Variants in CDH9 observed in about 807,000 individuals in gnomAD.
CDH9 encodes cadherin-9.
Under a neutral mutation model 70.9 loss-of-function variants are expected in CDH9, and 28 were observed. The ratio of observed to expected loss-of-function variants is 0.40; its 90% confidence interval spans 0.29 to 0.54. The LOEUF is 0.54. Ranked by LOEUF, CDH9 falls within the 20% of genes least tolerant of loss-of-function variation. The pLI is 0.59. For missense variants in CDH9, 874 were observed against 984.4 expected (o/e 0.89, Z 1.50); for synonymous variants, 409 against 343.1 (o/e 1.19, Z -2.12).
At chr5:26,978,600 A>G (rs985358615) in intron 2 of CDH9, among the ~76,000 whole-genome samples, 1 of 151,714 alleles carries the variant, frequency 6.6e-6, no homozygotes, top group African/African-American at 2.4e-5. Flanking sequence ...TTAAATGCTC[A>G]TTTAATTTTA....
chr5:26,978,678 A>G lies in CDH9; in HGVS notation c.228+9428T>C, dbSNP rs1742345380. 2.6e-5 allele frequency among the ~76,000 whole-genome samples: 4 copies of G among 151,842 alleles called. No homozygotes were observed. In the South Asian group the frequency reaches 8.3e-4, roughly 31 times the overall value. ...ATTTCAAACAGAATTAAAAAGAAAA[A>G]AAAACAGAGTTAGGTATCAAATTAA... On this transcript the variant is annotated intron_variant, in intron 2 of 11. Coordinates refer to ENST00000231021, the MANE Select transcript of CDH9 (RefSeq NM_016279.4).
intron 7 of CDH9, among the ~76,000 whole-genome samples, chr5:26,894,352 G>A (rs1484347752): frequency 1.3e-5 from 2 of 152,086 alleles, no homozygotes; most frequent in African/African-American, 4.8e-5. Context: ...ATTGCAACAT[G>A]ATAAAAATCA....
At chr5:26,985,703 C>T (rs771715060) in intron 2 of CDH9, among the ~76,000 whole-genome samples, 1 of 152,028 alleles carries the variant, frequency 6.6e-6, no homozygotes, top group Non-Finnish European at 1.5e-5. Flanking sequence ...TTTCCCAATC[C>T]TGGTCCGTGG....
chr5:27,029,402 A>G (rs1743273965), intron 1 of CDH9, among the ~76,000 whole-genome samples: 1 of 152,026 alleles, frequency 6.6e-6, no homozygotes, highest in South Asian at 2.1e-4. Context: ...GAATGAATTT[A>G]ATGCTATTAA....
At chr5:26,933,090 CTATTTATATTATACAAATATAATTT>C in intron 2 of CDH9, among the ~76,000 whole-genome samples, 1 of 145,686 alleles carries the variant, frequency 6.9e-6, no homozygotes, top group Non-Finnish European at 1.5e-5. Context: ...AAATATAATT[CTATTTATATTATACAAATATAATTT>C]TAAAAATATA....
Position 26,880,852 on chromosome 5 carries a change from C to CA in CDH9, c.*283dup. On this transcript the variant is annotated 3_prime_UTR_variant, in exon 12 of 12. Transcript: ENST00000231021. ...AAATTATTATACCTAAGAAAAGGCA[C>CA]AAAAAGCCTTTTACTTATTTTTATT... is the stretch of plus-strand genomic sequence containing the variant. The CA allele has an allele frequency of 4.3e-6, 1 of 234,698 alleles. No individual in the cohort carries two copies. The highest frequency in any genetic ancestry group is 5.5e-5 in the Admixed American group (1 of 18,328). 14.5% of individuals were successfully genotyped at this position (234,698 alleles called of 1,614,324 possible).
Position 26,881,460 on chromosome 5 carries a change from T to G in CDH9, c.2046A>C (p.Ala682=). The G allele has an allele frequency of 6.2e-7, 1 of 1,613,792 alleles. No homozygotes were observed. The highest frequency in any genetic ancestry group is 8.5e-7 in the Non-Finnish European group (1 of 1,179,774). ...FDIGTLRNPE[A]REDSKLRRDV... ...CCCGTCTAAGTTTACTGTCTTCTCT[T>G]GCCTCTGGATTCCTTAATGTGCCAA... Residue 682 remains alanine, a synonymous_variant, in exon 12 of 12, where the codon GCA becomes GCC. Coordinates refer to ENST00000231021, the MANE Select transcript of CDH9 (RefSeq NM_016279.4).
At chr5:27,032,867 G>A (rs1020747275) in intron 1 of CDH9, among the ~76,000 whole-genome samples, 1 of 151,020 alleles carries the variant, frequency 6.6e-6, no homozygotes, top group African/African-American at 2.4e-5. Flanking sequence ...TAATATATTT[G>A]CTTTGTATTA....
intron 1 of CDH9, among the ~76,000 whole-genome samples, chr5:27,017,823 G>A (rs928723571): frequency 2.6e-5 from 4 of 151,810 alleles, no homozygotes; most frequent in Non-Finnish European, 5.9e-5. Context: ...AGCATTCTTT[G>A]ATCTATCTCC....
intron 7 of CDH9, among the ~76,000 whole-genome samples, chr5:26,900,508 C>A (rs1445238007): frequency 6.6e-6 from 1 of 151,918 alleles, no homozygotes; most frequent in East Asian, 1.9e-4. Context: ...GCAAGGTGCC[C>A]AGCATTTACT....
chr5:26,942,349 A>C (rs578100762), intron 2 of CDH9, among the ~76,000 whole-genome samples: 3 of 152,242 alleles, frequency 2.0e-5, no homozygotes, highest in African/African-American at 7.2e-5. Context: ...ATTCAAGATG[A>C]GATTTGGGTG....
At chr5:26,999,542 A>G (rs985983005) in intron 1 of CDH9, among the ~76,000 whole-genome samples, 5 of 152,216 alleles carry the variant, frequency 3.3e-5, no homozygotes, top group African/African-American at 1.2e-4. Flanking sequence ...CGATAGGGTC[A>G]TTAAATAGAA....
At chr5:26,994,512 T>G (rs971766961) in intron 1 of CDH9, among the ~76,000 whole-genome samples, 1 of 151,528 alleles carries the variant, frequency 6.6e-6, no homozygotes, top group East Asian at 1.9e-4. Context: ...CTTTTTTTCC[T>G]GTTTTTTTTG....
In CDH9 at chr5:26,915,672, T is replaced by G; in HGVS notation, c.481A>C (p.Lys161Gln). 6.2e-7 allele frequency: 1 copy of G among 1,608,402 alleles called. No homozygotes were observed. Among genetic ancestry groups the G allele is most frequent in the Non-Finnish European group, 8.5e-7 (1 of 1,174,866 alleles). Residue 161 changes from lysine (K) to glutamine (Q), a missense_variant, in exon 3 of 12, where the codon AAA becomes CAA. Lys to Gln is a moderately conservative substitution (Grantham distance 53, BLOSUM62 1). Coordinates refer to ENST00000231021, the MANE Select transcript of CDH9 (RefSeq NM_016279.4). Reference sequence around the variant, plus strand: ...GGAACACTGGCAGTGTATAAGTCTTTTGTAAATTTTGGCTCATTGTCATTG... The same window carrying G: ...GGAACACTGGCAGTGTATAAGTCTTGTGTAAATTTTGGCTCATTGTCATTG... ...DINDNEPKFT[K>Q]DLYTASVPEM...
In CDH9 at chr5:27,023,916, G is replaced by A. The variant is rs1027664969; in HGVS notation, c.-50+14547C>T. Among the ~76,000 whole-genome samples the A allele has an allele frequency of 9.2e-5, 14 of 151,948 alleles. No individual in the cohort carries two copies. The South Asian group carries it at 1.7e-3, about 18-fold the overall frequency. On this transcript the variant is annotated intron_variant, in intron 1 of 11. Transcript: ENST00000231021. Reference sequence around the variant, plus strand: ...AAAATACAACACTTAGCTGGGCATGGTGGTGGGCACCTGCAATTGCATCTA... The same window carrying A: ...AAAATACAACACTTAGCTGGGCATGATGGTGGGCACCTGCAATTGCATCTA...
At chr5:27,027,644 C>G (rs1264140319) in intron 1 of CDH9, among the ~76,000 whole-genome samples, 1 of 152,038 alleles carries the variant, frequency 6.6e-6, no homozygotes, top group Non-Finnish European at 1.5e-5. Flanking sequence ...CTCCAGGACT[C>G]TACCTGTCCT....
chr5:26,953,793 C>T (rs547109299), intron 2 of CDH9, among the ~76,000 whole-genome samples: 2 of 152,228 alleles, frequency 1.3e-5, no homozygotes, highest in African/African-American at 4.8e-5. Context: ...ATTTCAATGG[C>T]TTCCTAAAAA....
intron 2 of CDH9, among the ~76,000 whole-genome samples, chr5:26,945,135 G>A (rs1741728530): frequency 6.6e-6 from 1 of 151,410 alleles, no homozygotes; most frequent in Non-Finnish European, 1.5e-5. Context: ...AATATGGGGA[G>A]GAGTTGTATA....
intron 2 of CDH9, among the ~76,000 whole-genome samples, chr5:26,931,850 C>T (rs531589278): frequency 4.0e-5 from 6 of 151,772 alleles, no homozygotes; most frequent in East Asian, 1.9e-4. Flanking sequence ...AAAGAATATA[C>T]GAAAATTTGC....
Sources: allele counts gnomAD v4.1 joint callset (sites outside exome capture counted in the v4.1 genomes callset), GRCh38; gene constraint gnomAD v4.1.1; transcripts MANE v1.5; gene names NCBI Gene and HGNC (gene_info 2026-07-23, HGNC 2026-07-21).